BANP: variants seen among roughly 807,000 people sequenced by gnomAD.
BANP encodes the protein BTG3 associated nuclear protein, also known as protein BANP.
A neutral mutation model predicts 68.1 loss-of-function variants in BANP; 11 were observed. The ratio of observed to expected loss-of-function variants is 0.16; its 90% CI spans 0.10 to 0.27. The LOEUF (loss-of-function observed/expected upper bound fraction) is 0.27, where lower values mean the gene tolerates loss of function less well. Among genes scored for constraint, BANP ranks in the 10% least tolerant of loss-of-function variants. The pLI is 1.00. For missense variants in BANP, 504 were observed against 722.7 expected (o/e 0.70, Z 3.47); for synonymous variants, 329 against 303.2 (o/e 1.09, Z -0.88).
rs1437103594 is a variant in BANP, at chr16:88,027,616, G to C, written c.1029G>C (p.Arg343=). Residue 343 remains arginine (R), a synonymous_variant, in exon 8 of 14, where the codon CGG becomes CGC. Transcript: ENST00000682872. The stretch of plus-strand genomic sequence containing the variant: ...GCCTGGCGGTCAAGAGCTTCTCGCG[G>C]AGAACGCCCAACTCGTCCTCCTACT... ...GQSLAVKSFS[R]RTPNSSSYCP... 2.5e-6 allele frequency: 4 copies of C among 1,613,806 alleles called. No homozygotes were observed. The highest frequency in any genetic ancestry group is 3.4e-6 in the Non-Finnish European group (4 of 1,179,906).
At chr16:88,032,926 C>G (rs768357614) in intron 8 of BANP, among the ~76,000 whole-genome samples, 183 bp from the exon 9 acceptor site, 6 of 152,228 alleles carry the variant, frequency 3.9e-5, no homozygotes, top group Non-Finnish European at 8.8e-5. Context: ...AGCCTCAGTT[C>G]CTAAGACTCA....
At chr16:88,014,492 T>G (rs1004883409) in intron 6 of BANP, among the ~76,000 whole-genome samples, 1 of 152,046 alleles carries the variant, frequency 6.6e-6, no homozygotes, top group African/African-American at 2.4e-5. Flanking sequence ...AGTGACACTT[T>G]GACATGATTT....
intron 2 of BANP, among the ~76,000 whole-genome samples, chr16:87,977,378 C>G (rs1291910303): frequency 1.3e-5 from 2 of 151,170 alleles, no homozygotes; most frequent in East Asian, 3.9e-4. Flanking sequence ...GAGATCGCGC[C>G]ACTGCACTCC....
At chr16:88,076,560 TA>T in intron 13 of BANP, 29 bp from the exon 14 acceptor site, 1 of 1,603,834 alleles carries the variant, frequency 6.2e-7, no homozygotes, top group Non-Finnish European at 8.5e-7. Context: ...GGTATTTTTC[TA>T]GAAAGTCCCT....
At position 88,006,140 on chromosome 16, in the gene BANP, A is replaced by G; in HGVS notation, c.530A>G (p.Gln177Arg). 3 of 1,614,034 alleles carry G rather than the reference A, an allele frequency of 1.9e-6. No individual in the cohort carries two copies. Among genetic ancestry groups the G allele is most frequent in the Non-Finnish European group, 8.5e-7 (1 of 1,179,980 alleles). Residue 177 changes from glutamine (Q) to arginine (R), a missense_variant, in exon 6 of 14, where the codon CAA (glutamine) becomes CGA (arginine). Gln to Arg is a conservative substitution (Grantham distance 43). This residue lies in a region of BANP where 238 missense variants were observed against 278.9 expected (regional missense o/e 0.85). Coordinates refer to ENST00000682872, the MANE Select transcript of BANP (RefSeq NM_001386991.1). ...ACCATTGTGGTGAAGGTGCCGGGCCAAGAAGACAGCCACCACGAGGACGGG... is the reference window on the plus strand; with the variant it reads ...ACCATTGTGGTGAAGGTGCCGGGCCGAGAAGACAGCCACCACGAGGACGGG... ...QNTIVVKVPG[Q>R]EDSHHEDGES...
intron 7 of BANP, among the ~76,000 whole-genome samples, chr16:88,021,352 A>C (rs1882058756): frequency 6.6e-6 from 1 of 152,166 alleles, no homozygotes; most frequent in Non-Finnish European, 1.5e-5. Flanking sequence ...GGGCTTGCTC[A>C]CAGTGCCCGG....
At position 88,018,576 on chromosome 16, in the gene BANP, C is replaced by T. The variant is rs1193432453; in HGVS notation, c.804C>T (p.Phe268=). Residue 268 remains phenylalanine (F), a synonymous_variant, in exon 7 of 14, where the codon TTC becomes TTT. Transcript: ENST00000682872. The surrounding 1 kb of genome is among the most constrained non-coding windows in gnomAD (Gnocchi z 7.7). ...KMALTLLDYL[F]HREVQAVSNL... is the part of the protein sequence containing the mutation. ...CGCTCACGCTGCTGGACTACCTCTT[C>T]CACCGCGAGGTGCAGGCTGTGTCCA... 9 of 1,609,344 alleles carry T rather than the reference C, an allele frequency of 5.6e-6. No individual in the cohort carries two copies. The Admixed American group carries it at 1.3e-4, about 24-fold the overall frequency.
intron 11 of BANP, among the ~76,000 whole-genome samples, chr16:88,054,733 G>A (rs992021014): frequency 1.3e-5 from 2 of 152,206 alleles, no homozygotes; most frequent in African/African-American, 4.8e-5. Context: ...CTAGCTCATA[G>A]GAATATTTAT....
At chr16:88,031,837 C>G (rs1415217119) in intron 8 of BANP, among the ~76,000 whole-genome samples, 1 of 149,262 alleles carries the variant, frequency 6.7e-6, no homozygotes, top group Non-Finnish European at 1.5e-5. Context: ...CCCCCGCTCG[C>G]TCTGTTGCCT....
chr16:87,975,920 ATGTGGTGTG>A (rs2062028788), intron 2 of BANP, among the ~76,000 whole-genome samples: 1 of 144,346 alleles, frequency 6.9e-6, no homozygotes, highest in Non-Finnish European at 1.5e-5. Context: ...GAACCTTACC[ATGTGGTGTG>A]TGTAATCCCC....
chr16:87,986,717 G>A (rs1231075312), intron 4 of BANP, among the ~76,000 whole-genome samples: 3 of 152,144 alleles, frequency 2.0e-5, no homozygotes. Context: ...GCTTCCCTCT[G>A]CTGGGGGCAA....
chr16:87,961,250 C>A (rs984389551), intron 1 of BANP, among the ~76,000 whole-genome samples: 1 of 152,166 alleles, frequency 6.6e-6, no homozygotes. Flanking sequence ...AGAGGAATCT[C>A]CATAATTATC....
rs372836618 is a variant in BANP, at chr16:88,035,382, G to A, written c.1260G>A (p.Thr420=). Reference sequence around the variant, plus strand: ...CGCAGGGGGAGCAAGTCCAGATCACGCAGGACAGCGAGGTGAGTCAGCTCT... The same window carrying A: ...CGCAGGGGGAGCAAGTCCAGATCACACAGGACAGCGAGGTGAGTCAGCTCT... ...QVPQGEQVQI[T]QDSEGNLQIH... is the part of the protein sequence containing the mutation. The change falls in exon 10 of 14, where the codon ACG becomes ACA. Residue 420 remains threonine (T), a synonymous_variant. Coordinates refer to ENST00000682872, the MANE Select transcript of BANP (RefSeq NM_001386991.1). The A allele has an allele frequency of 2.5e-5, 41 of 1,610,310 alleles. No individual in the cohort carries two copies. Among genetic ancestry groups the A allele is most frequent in the African/African-American group, 1.1e-4 (8 of 74,988 alleles).
At position 88,002,435 on chromosome 16, in the gene BANP, C is replaced by T. The variant is rs563018288; in HGVS notation, c.363-1860C>T. Reference sequence around the variant, plus strand: ...CTGCGCTGGCTCCTGGGGTCTGTGCCCTAGGTGGATGGTGCATCCAGTGTG... The same window carrying T: ...CTGCGCTGGCTCCTGGGGTCTGTGCTCTAGGTGGATGGTGCATCCAGTGTG... On this transcript the variant is annotated intron_variant, in intron 4 of 13. Transcript: ENST00000682872. This position sits in a 1 kb window ranked among gnomAD's most constrained non-coding sequence, Gnocchi z 4.6. Among the ~76,000 whole-genome samples, 1 of 151,986 alleles carries T rather than the reference C, an allele frequency of 6.6e-6. No individual in the cohort carries two copies. The highest frequency in any genetic ancestry group is 2.1e-4 in the South Asian group (1 of 4,782).
chr16:88,073,773 G>C (rs530944052), intron 13 of BANP, among the ~76,000 whole-genome samples: 5 of 152,336 alleles, frequency 3.3e-5, no homozygotes, highest in African/African-American at 9.6e-5. Context: ...AGGGCGTCCT[G>C]CTGCATTATA....
intron 9 of BANP, 47 bp from the exon 10 acceptor site, chr16:88,035,276 G>T: frequency 2.0e-6 from 3 of 1,495,086 alleles, no homozygotes; most frequent in Non-Finnish European, 1.8e-6. Flanking sequence ...TGTTTCCTTT[G>T]CTTTTGATTT....
At chr16:88,027,777 T>G (rs2077284233) in intron 8 of BANP, 127 bp downstream of exon 8, 1 of 1,143,638 alleles carries the variant, frequency 8.7e-7, no homozygotes, top group African/African-American at 1.6e-5. Flanking sequence ...GCCAGAGGCT[T>G]GCGCGGTGCG....
In BANP at chr16:88,057,463, C is replaced by A. The variant is rs1222620435; in HGVS notation, c.1312-7804C>A. ...TCTCCAGGGGGATGCCCTGGAGACTCTTGCGGTCCCCTCCACGTGTTCACC... is the reference window on the plus strand; with the variant it reads ...TCTCCAGGGGGATGCCCTGGAGACTATTGCGGTCCCCTCCACGTGTTCACC... On this transcript the variant is annotated intron_variant, in intron 11 of 13. Transcript: ENST00000682872. This position sits in a 1 kb window ranked among gnomAD's most constrained non-coding sequence, Gnocchi z 4.6. 6.6e-6 allele frequency among the ~76,000 whole-genome samples: 1 copy of A among 152,056 alleles called. No homozygotes were observed. The highest frequency in any genetic ancestry group is 6.5e-5 in the Admixed American group (1 of 15,286).
chr16:87,974,906 T>C (rs2061738292), intron 1 of BANP, 142 bp from the exon 2 acceptor site: 5 of 557,546 alleles, frequency 9.0e-6, no homozygotes, highest in Non-Finnish European at 1.6e-5. Flanking sequence ...CTTTTGGGGG[T>C]TTGAGGCAAG....
Sources: gnomAD v4.1 joint callset for allele counts (sites outside exome capture counted in the v4.1 genomes callset) on GRCh38, gnomAD v4.1.1 for gene constraint, gnomAD v4.1.1 regional missense constraint, Gnocchi (gnomAD v3.1) non-coding constraint, MANE v1.5 for transcripts, NCBI Gene and HGNC (gene_info 2026-07-23, HGNC 2026-07-21) for gene names.